The following SLIT2 variants were observed in gnomAD, a reference collection of about 807,000 sequenced individuals.
SLIT2 encodes slit homolog 2 protein.
In SLIT2, 41 loss-of-function variants were observed where a neutral mutation model predicts 185.7. The observed-to-expected ratio is 0.22, with a 90% CI of 0.17 to 0.29. SLIT2 has a LOEUF of 0.29. SLIT2 is among the 10% of genes least tolerant of loss of function. The pLI, the probability that SLIT2 is intolerant of heterozygous loss-of-function variation, is 1.00. For missense variants in SLIT2, 1,571 were observed against 1,909.0 expected (o/e 0.82, Z 3.30); for synonymous variants, 693 against 680.2 (o/e 1.02, Z -0.29).
chr4:20,586,767 A>G (rs1727100005), intron 29 of SLIT2, among the ~76,000 whole-genome samples: 1 of 152,228 alleles, frequency 6.6e-6, no homozygotes, highest in Non-Finnish European at 1.5e-5. Flanking sequence ...AAGATCTGGC[A>G]TGATTCCATA....
At chr4:20,605,322 A>G (rs1728706334) in intron 33 of SLIT2, among the ~76,000 whole-genome samples, 1 of 152,230 alleles carries the variant, frequency 6.6e-6, no homozygotes, top group Non-Finnish European at 1.5e-5. Flanking sequence ...ATTTTTCTGT[A>G]GCAGACCACA....
At chr4:20,518,233 G>T in intron 11 of SLIT2, among the ~76,000 whole-genome samples, 1 of 94,886 alleles carries the variant, frequency 1.1e-5, no homozygotes. Context: ...ATATATATGT[G>T]TGTGTGTATA....
At chr4:20,287,311 A>G (rs1353043650) in intron 4 of SLIT2, among the ~76,000 whole-genome samples, 2 of 152,128 alleles carry the variant, frequency 1.3e-5, no homozygotes, top group African/African-American at 4.8e-5. Context: ...CTGTGACCCC[A>G]TTTATGAAAT....
At chr4:20,518,140 T>TACA (rs1720394063) in intron 11 of SLIT2, among the ~76,000 whole-genome samples, 2 of 140,918 alleles carry the variant, frequency 1.4e-5, no homozygotes, top group South Asian at 4.2e-4. Context: ...TATACATATA[T>TACA]TTATATATAT....
In SLIT2 at chr4:20,500,401, C is replaced by T. The variant is rs567484117; in HGVS notation, c.914+8502C>T. On this transcript the variant is annotated intron_variant, in intron 9 of 36. Transcript: ENST00000504154. Reference sequence around the variant, plus strand: ...TTTGTTAGCATTTTGCAGTTTTACACATTCCTGATATTATTGCTACTTCAA... The same window carrying T: ...TTTGTTAGCATTTTGCAGTTTTACATATTCCTGATATTATTGCTACTTCAA... Among the ~76,000 whole-genome samples the T allele has an allele frequency of 9.3e-4, 142 of 152,248 alleles. 1 individual carries two copies. Among genetic ancestry groups the T allele is most frequent in the African/African-American group, 3.3e-3 (139 of 41,552 alleles).
intron 9 of SLIT2, among the ~76,000 whole-genome samples, chr4:20,503,061 C>T (rs1718884394): frequency 6.6e-6 from 1 of 152,132 alleles, no homozygotes; most frequent in African/African-American, 2.4e-5. Flanking sequence ...TAACATAAGA[C>T]TGAAGACATC....
At chr4:20,363,593 A>G (rs1470476542) in intron 4 of SLIT2, among the ~76,000 whole-genome samples, 2 of 152,160 alleles carry the variant, frequency 1.3e-5, no homozygotes, top group African/African-American at 4.8e-5. Flanking sequence ...AATTATAACA[A>G]TAATATTTTT....
intron 4 of SLIT2, among the ~76,000 whole-genome samples, chr4:20,407,660 G>A (rs1726882766): frequency 6.6e-6 from 1 of 152,116 alleles, no homozygotes; most frequent in African/African-American, 2.4e-5. Flanking sequence ...GAAGGCCAAG[G>A]GATATAATGT....
intron 30 of SLIT2, among the ~76,000 whole-genome samples, chr4:20,593,471 T>C (rs2148953810): frequency 6.6e-6 from 1 of 152,144 alleles, no homozygotes; most frequent in African/African-American, 2.4e-5. Context: ...TACCAGGAAT[T>C]GGGGTGGGGA....
chr4:20,256,407 C>T (rs996498067), intron 1 of SLIT2, among the ~76,000 whole-genome samples: 3 of 152,066 alleles, frequency 2.0e-5, no homozygotes, highest in Non-Finnish European at 4.4e-5. Context: ...AAAGGACTCT[C>T]CCATACACAA....
chr4:20,347,984 C>T (rs1252593149), intron 4 of SLIT2, among the ~76,000 whole-genome samples: 3 of 152,160 alleles, frequency 2.0e-5, no homozygotes, highest in Non-Finnish European at 4.4e-5. Flanking sequence ...AAACAAAACA[C>T]TAGTACTGTT....
intron 11 of SLIT2, among the ~76,000 whole-genome samples, chr4:20,516,724 A>C (rs907658657): frequency 6.6e-6 from 1 of 152,102 alleles, no homozygotes; most frequent in Non-Finnish European, 1.5e-5. Context: ...TCTCATTGCT[A>C]TGTAAAATAC....
chr4:20,419,377 T>C, intron 4 of SLIT2, among the ~76,000 whole-genome samples: 1 of 152,212 alleles, frequency 6.6e-6, no homozygotes. Flanking sequence ...TATAATTATT[T>C]AATGATTTAC....
At chr4:20,369,035 G>T (rs1723358620) in intron 4 of SLIT2, among the ~76,000 whole-genome samples, 1 of 152,078 alleles carries the variant, frequency 6.6e-6, no homozygotes, top group East Asian at 1.9e-4. Context: ...TATTTCAGAG[G>T]AATTCAATTG....
chr4:20,291,181 A>G (rs1345802681), intron 4 of SLIT2, among the ~76,000 whole-genome samples: 1 of 152,132 alleles, frequency 6.6e-6, no homozygotes, highest in African/African-American at 2.4e-5. Context: ...ATGAATTAAT[A>G]AATGCATGTC....
chr4:20,389,625 A>G (rs1397268809), intron 4 of SLIT2, among the ~76,000 whole-genome samples: 1 of 152,052 alleles, frequency 6.6e-6, no homozygotes, highest in Non-Finnish European at 1.5e-5. Context: ...CAAAAATGCA[A>G]AGGGCCAGAC....
chr4:20,537,274 G>C (rs1306138181), intron 18 of SLIT2, among the ~76,000 whole-genome samples: 1 of 152,150 alleles, frequency 6.6e-6, no homozygotes, highest in African/African-American at 2.4e-5. Context: ...ACAAACATGA[G>C]TAGTGTGTTG....
intron 9 of SLIT2, among the ~76,000 whole-genome samples, chr4:20,504,604 C>T (rs557897928): frequency 7.0e-4 from 107 of 152,106 alleles, no homozygotes; most frequent in African/African-American, 2.5e-3. Context: ...TATACAGTTA[C>T]GGAGTTATCT....
chr4:20,276,825 A>C (rs1327184212), intron 4 of SLIT2, among the ~76,000 whole-genome samples: 2 of 152,332 alleles, frequency 1.3e-5, no homozygotes, highest in Admixed American at 1.3e-4. Flanking sequence ...GTCTTAAACC[A>C]TCAGAATTCT....
Sources: allele counts gnomAD v4.1 joint callset (sites outside exome capture counted in the v4.1 genomes callset), GRCh38; gene constraint gnomAD v4.1.1; transcripts MANE v1.5; gene names NCBI Gene and HGNC (gene_info 2026-07-23, HGNC 2026-07-21).